Variants in CHD2 observed in about 807,000 individuals in gnomAD.
CHD2 encodes ATP-dependent chromatin remodeler CHD2.
In CHD2, 28 loss-of-function variants were observed where a neutral mutation model predicts 243.9. The ratio of observed to expected loss-of-function variants is 0.11; its 90% CI spans 0.09 to 0.16. CHD2 has a LOEUF of 0.16. Among genes scored for constraint, CHD2 ranks in the 10% least tolerant of loss-of-function variants. The probability of loss-of-function intolerance (pLI) is 1.00; values close to 1 mark genes in which losing one functional copy is unlikely to be tolerated. For synonymous variants in CHD2, 775 were observed against 779.0 expected, an observed-to-expected ratio of 0.99 and a Z score of 0.09; for missense variants, 1,386 against 2,209.8, an observed-to-expected ratio of 0.63 and a Z score of 7.47.
At chr15:92,986,454 T>C (rs573464672) in intron 26 of CHD2, among the ~76,000 whole-genome samples, 1 of 152,302 alleles carries the variant, frequency 6.6e-6, no homozygotes, top group Admixed American at 6.5e-5. Flanking sequence ...TATTCTTCTT[T>C]CTTTGTTTAA....
rs2053935233 is a variant in CHD2, at chr15:92,978,299, A to G, written c.2643A>G (p.Thr881=). The change falls in exon 21 of 39, where the codon ACA becomes ACG. Residue 881 remains threonine (T), a synonymous_variant. Transcript: ENST00000394196. ...GAATCAATTTGGCTTCAGCGGACAC[A>G]GTCGTCATCTTTGACTCTGACTGGA... The part of the protein sequence containing the change: ...GLGINLASAD[T]VVIFDSDWNP... 6.2e-7 allele frequency: 1 copy of G among 1,614,082 alleles called. No individual in the cohort carries two copies. Among genetic ancestry groups the G allele is most frequent in the Non-Finnish European group, 8.5e-7 (1 of 1,180,032 alleles).
At chr15:92,945,708 T>A (rs1367757297) in intron 10 of CHD2, 113 bp from the exon 11 acceptor site, 18 of 624,380 alleles carry the variant, frequency 2.9e-5, no homozygotes, top group Middle Eastern at 8.7e-4. Context: ...TTTTTTTTTT[T>A]CTTTTTTAAG....
chr15:92,974,704 T>C (rs1270929108), intron 19 of CHD2, 175 bp from the exon 20 acceptor site: 1 of 533,786 alleles, frequency 1.9e-6, no homozygotes, highest in African/African-American at 2.0e-5. Flanking sequence ...AGAGCTCAGG[T>C]CGAGTAGGGT....
chr15:92,939,444 T>A, intron 6 of CHD2, 134 bp from the exon 7 acceptor site: 1 of 933,376 alleles, frequency 1.1e-6, no homozygotes, highest in Non-Finnish European at 1.6e-6. Context: ...CCCAAGAATA[T>A]GCATGTTTAA....
rs2052514303 is a variant in CHD2 at position 92,900,516 on chromosome 15, G to A, written c.-380G>A. The A allele has an allele frequency of 2.5e-6, 1 of 398,556 alleles. No homozygotes were observed. Among genetic ancestry groups the A allele is most frequent in the Non-Finnish European group, 4.4e-6 (1 of 226,040 alleles). The allele number at this position is 398,556 out of a possible 1,614,324, so 24.7% of individuals were successfully genotyped here. A position where few individuals can be genotyped will look rare whatever the true frequency, so the allele number is the denominator to read the frequency against. ...TTTTTGGGAGAAAAGCAGCTTTTAG[G>A]AGCTTTCTTTTCGTGCCTTGTTGGA... On this transcript the variant is annotated 5_prime_UTR_variant, in exon 1 of 39. Coordinates refer to ENST00000394196, the MANE Select transcript of CHD2 (RefSeq NM_001271.4).
intron 2 of CHD2, among the ~76,000 whole-genome samples, chr15:92,919,611 C>G (rs936680160): frequency 6.6e-6 from 1 of 152,008 alleles, no homozygotes; most frequent in Admixed American, 6.5e-5. Context: ...AGGATGGTCT[C>G]CCATCTCCTG....
chr15:93,022,464 T>C (rs2141758116), intron 38 of CHD2, among the ~76,000 whole-genome samples: 1 of 152,314 alleles, frequency 6.6e-6, no homozygotes, highest in East Asian at 1.9e-4. Flanking sequence ...AGGGGACACA[T>C]ACCCAAACCG....
intron 2 of CHD2, among the ~76,000 whole-genome samples, chr15:92,922,458 C>G (rs1394022577): frequency 1.3e-5 from 2 of 152,126 alleles, no homozygotes; most frequent in African/African-American, 4.8e-5. Context: ...CCCATTTTTT[C>G]TCATTGCTTC....
chr15:92,912,547 GT>G (rs1434440818), intron 2 of CHD2, among the ~76,000 whole-genome samples: 1 of 151,950 alleles, frequency 6.6e-6, no homozygotes, highest in African/African-American at 2.4e-5. Flanking sequence ...GTTTTGTTTT[GT>G]TTTGAGACGG....
chr15:92,912,400 G>C (rs2141718858), intron 2 of CHD2, among the ~76,000 whole-genome samples: 1 of 152,292 alleles, frequency 6.6e-6, no homozygotes, highest in East Asian at 1.9e-4. Context: ...TCTGTCGCCT[G>C]GGCTGGAGTG....
chr15:92,923,439 T>TC (rs1165483132), intron 2 of CHD2, among the ~76,000 whole-genome samples: 5 of 152,142 alleles, frequency 3.3e-5, no homozygotes, highest in African/African-American at 7.2e-5. Flanking sequence ...TTAAACATTT[T>TC]CTTGAAGAGA....
Position 92,997,517 on chromosome 15 carries a change from G to A in CHD2, c.3885+114G>A, listed in dbSNP as rs1002334411. On this transcript the variant is annotated intron_variant, in intron 30 of 38. Coordinates refer to ENST00000394196, the MANE Select transcript of CHD2 (RefSeq NM_001271.4). The surrounding 1 kb of genome is among the most constrained non-coding windows in gnomAD (Gnocchi z 4.1). ...GGGCATCAAATTAGAAATTAGTATA[G>A]TCATTCTTGGAAATACTTCCATCTT... 1.1e-5 allele frequency: 10 copies of A among 929,352 alleles called. No individual in the cohort carries two copies. In the African/African-American group the frequency reaches 1.7e-4, roughly 16 times the overall value. 57.6% of individuals were successfully genotyped at this position (929,352 alleles called of 1,614,324 possible). A position where few individuals can be genotyped will look rare whatever the true frequency, so the allele number is the denominator to read the frequency against.
intron 12 of CHD2, among the ~76,000 whole-genome samples, chr15:92,948,661 A>G (rs1049079112): frequency 7.2e-5 from 11 of 152,072 alleles, no homozygotes; most frequent in South Asian, 2.1e-4. Context: ...GTGAAACCCC[A>G]TCTCTACTAA....
intron 2 of CHD2, chr15:92,904,711 A>G: frequency 1.4e-6 from 2 of 1,393,682 alleles, no homozygotes; most frequent in Non-Finnish European, 1.9e-6. Flanking sequence ...ACTATTTGGA[A>G]ATCTTAAAAT....
chr15:92,954,862 G>C (rs1470724999), intron 14 of CHD2, among the ~76,000 whole-genome samples: 3 of 152,158 alleles, frequency 2.0e-5, no homozygotes, highest in Non-Finnish European at 4.4e-5. Context: ...CGTGCTTGCT[G>C]AGTGTCCAGT....
chr15:93,005,477 G>C (rs375093916), intron 34 of CHD2, among the ~76,000 whole-genome samples: 241 of 152,238 alleles, frequency 1.6e-3, no homozygotes, highest in African/African-American at 4.9e-3. Flanking sequence ...CCACCTCTCT[G>C]TGGTCTCTTC....
At chr15:92,938,869 A>G (rs748540725) in intron 6 of CHD2, among the ~76,000 whole-genome samples, 1 of 152,188 alleles carries the variant, frequency 6.6e-6, no homozygotes, top group Non-Finnish European at 1.5e-5. Flanking sequence ...TAATTCTGTG[A>G]TAGGGCACAC....
chr15:92,922,027 A>G (rs1310284720), intron 2 of CHD2, among the ~76,000 whole-genome samples: 1 of 152,212 alleles, frequency 6.6e-6, no homozygotes, highest in Non-Finnish European at 1.5e-5. Context: ...AGGAGTCAGT[A>G]ATTGTAATGA....
intron 16 of CHD2, among the ~76,000 whole-genome samples, chr15:92,966,017 C>A (rs192163307): frequency 2.0e-5 from 3 of 151,806 alleles, no homozygotes; most frequent in Admixed American, 2.0e-4. Context: ...TGTGAGGTAT[C>A]ATCTCCAGCA....
Sources: gnomAD v4.1 joint callset for allele counts (sites outside exome capture counted in the v4.1 genomes callset) on GRCh38, gnomAD v4.1.1 for gene constraint, Gnocchi (gnomAD v3.1) non-coding constraint, MANE v1.5 for transcripts, NCBI Gene and HGNC (gene_info 2026-07-23, HGNC 2026-07-21) for gene names.